The following RBPJ variants were observed in gnomAD, a reference collection of about 807,000 sequenced individuals.
RBPJ encodes recombining binding protein suppressor of hairless.
Under a neutral mutation model 67.8 loss-of-function variants are expected in RBPJ, and 9 were observed. The observed-to-expected ratio is 0.13, with a 90% CI of 0.08 to 0.23. The LOEUF is 0.23. Among genes scored for constraint, RBPJ ranks in the 10% least tolerant of loss-of-function variants. The probability of loss-of-function intolerance (pLI) is 1.00; values close to 1 mark genes in which losing one functional copy is unlikely to be tolerated. For synonymous variants in RBPJ, 198 were observed against 203.3 expected, an observed-to-expected ratio of 0.97 and a Z score of 0.22; for missense variants, 305 against 595.6, an observed-to-expected ratio of 0.51 and a Z score of 5.08.
the RBPJ span, among the ~76,000 whole-genome samples, chr4:26,132,837 G>T: frequency 1.8e-3 from 281 of 152,216 alleles, no homozygotes; most frequent in African/African-American, 6.4e-3. Context: ...CAGCCCTGAT[G>T]CAAGAGGGGG....
At chr4:26,408,118 G>A (rs943609502) in intron 3 of RBPJ, among the ~76,000 whole-genome samples, 2 of 151,674 alleles carry the variant, frequency 1.3e-5, no homozygotes, top group African/African-American at 2.4e-5. Context: ...CAAGTGATCC[G>A]CCTGCCTCAG....
intron 1 of RBPJ, among the ~76,000 whole-genome samples, chr4:26,216,997 G>T (rs1467732460): frequency 6.6e-6 from 1 of 152,138 alleles, no homozygotes; most frequent in Non-Finnish European, 1.5e-5. Flanking sequence ...TGTGGAGAAT[G>T]GATGTGAAAG....
chr4:26,121,950 A>G, the RBPJ span, among the ~76,000 whole-genome samples: 1 of 130,056 alleles, frequency 7.7e-6, no homozygotes, highest in Non-Finnish European at 1.6e-5. Flanking sequence ...CCACTTTTTC[A>G]TGGGAGAAAC....
chr4:26,220,148 A>C (rs2109189676), intron 1 of RBPJ, among the ~76,000 whole-genome samples: 1 of 152,282 alleles, frequency 6.6e-6, no homozygotes, highest in South Asian at 2.1e-4. Flanking sequence ...ACTTTACACT[A>C]TGTACATGCT....
At chr4:26,117,003 A>G in the RBPJ span, among the ~76,000 whole-genome samples, 1 of 152,180 alleles carries the variant, frequency 6.6e-6, no homozygotes, top group African/African-American at 2.4e-5. Flanking sequence ...AACTGAGAAA[A>G]CTGACTTTTC....
chr4:26,279,332 G>A (rs556366727), intron 1 of RBPJ, among the ~76,000 whole-genome samples: 1 of 152,282 alleles, frequency 6.6e-6, no homozygotes, highest in Admixed American at 6.5e-5. Flanking sequence ...CCACGCTGGA[G>A]TGCAGTGGCA....
At chr4:26,301,317 G>A (rs1222003452) in intron 1 of RBPJ, among the ~76,000 whole-genome samples, 2 of 152,202 alleles carry the variant, frequency 1.3e-5, no homozygotes, top group Non-Finnish European at 2.9e-5. Flanking sequence ...GGATAGCCGG[G>A]CATGGTGGCT....
chr4:26,340,028 A>C (rs1725344469), intron 1 of RBPJ, among the ~76,000 whole-genome samples: 1 of 152,206 alleles, frequency 6.6e-6, no homozygotes. Flanking sequence ...AAAAAAAAAA[A>C]AGAACATTTC....
intron 1 of RBPJ, among the ~76,000 whole-genome samples, chr4:26,277,059 T>C (rs781456313): frequency 6.6e-6 from 1 of 151,510 alleles, no homozygotes; most frequent in African/African-American, 2.4e-5. Context: ...GGTGGGAGGA[T>C]TGCTTGAGGC....
chr4:26,178,842 T>C (rs183342678), intron 1 of RBPJ, among the ~76,000 whole-genome samples: 1 of 152,170 alleles, frequency 6.6e-6, no homozygotes, highest in Admixed American at 6.5e-5. Flanking sequence ...TCCAAATTTT[T>C]TCTAAAAGGG....
At chr4:26,415,356 T>TG in intron 3 of RBPJ, 119 bp from the exon 4 acceptor site, 1 of 878,958 alleles carries the variant, frequency 1.1e-6, no homozygotes, top group South Asian at 2.0e-5. Flanking sequence ...AATTTTTCAT[T>TG]GGGGAATAGG....
intron 1 of RBPJ, among the ~76,000 whole-genome samples, chr4:26,373,849 A>G (rs753012581): frequency 3.9e-5 from 6 of 151,960 alleles, no homozygotes; most frequent in Non-Finnish European, 7.4e-5. Flanking sequence ...TATGTAGTCA[A>G]GGTGTGGCAC....
Position 26,352,773 on chromosome 4 carries a change from G to A in RBPJ, c.20+31725G>A, listed in dbSNP as rs528973114. Among the ~76,000 whole-genome samples, 87 of 152,340 alleles carry A rather than the reference G, an allele frequency of 5.7e-4. 1 individual carries two copies. The highest frequency in any genetic ancestry group is 2.0e-3 in the African/African-American group (85 of 41,580). On this transcript the variant is annotated intron_variant, in intron 1 of 10. Transcript: ENST00000355476. ...CCGTGGCGTTCTGGTAGGACCATGG[G>A]TACTGAAGGTTCATAGGGCTTGTTT...
intron 4 of RBPJ, among the ~76,000 whole-genome samples, chr4:26,419,585 G>A (rs976951823): frequency 3.9e-5 from 6 of 152,142 alleles, no homozygotes; most frequent in African/African-American, 1.4e-4. Flanking sequence ...GGCAGTTGAA[G>A]AAACTTGTTT....
intron 1 of RBPJ, among the ~76,000 whole-genome samples, chr4:26,364,872 C>T (rs988175587): frequency 5.3e-5 from 8 of 151,640 alleles, no homozygotes; most frequent in African/African-American, 1.9e-4. Flanking sequence ...CCATGTCGGC[C>T]TCCCGAAGTG....
chr4:26,346,720 G>A (rs939234720), intron 1 of RBPJ, among the ~76,000 whole-genome samples: 6 of 152,258 alleles, frequency 3.9e-5, no homozygotes, highest in African/African-American at 1.2e-4. Flanking sequence ...CGGGCGCTGC[G>A]GCTCAGGACT....
intron 1 of RBPJ, among the ~76,000 whole-genome samples, chr4:26,266,224 G>A (rs1224191466): frequency 1.3e-5 from 2 of 152,144 alleles, no homozygotes. Flanking sequence ...TCCTGGAAAA[G>A]AGGCTTGTTG....
intron 1 of RBPJ, among the ~76,000 whole-genome samples, chr4:26,284,659 G>A (rs557342825): frequency 1.6e-3 from 248 of 151,400 alleles, no homozygotes; most frequent in Non-Finnish European, 1.9e-3. Flanking sequence ...GGTGGAGATG[G>A]GGCTTCGCCA....
At chr4:26,182,582 C>T (rs1203733139) in intron 1 of RBPJ, among the ~76,000 whole-genome samples, 10 of 151,346 alleles carry the variant, frequency 6.6e-5, no homozygotes, top group Admixed American at 5.9e-4. Flanking sequence ...CTGCCTCAAC[C>T]TCCTGGGTTC....
Sources: allele counts gnomAD v4.1 joint callset (sites outside exome capture counted in the v4.1 genomes callset), GRCh38; gene constraint gnomAD v4.1.1; transcripts MANE v1.5; gene names NCBI Gene and HGNC (gene_info 2026-07-23, HGNC 2026-07-21).